ZBBX: variants seen among roughly 807,000 people sequenced by gnomAD.
The protein encoded by ZBBX is zinc finger B-box domain-containing protein 1.
In ZBBX, 101 loss-of-function variants were observed where a neutral mutation model predicts 108.5. The observed-to-expected ratio is 0.93, with a 90% confidence interval of 0.79 to 1.10. The LOEUF is 1.10. ZBBX is among the 50% of genes least tolerant of loss of function. The pLI is 0.00. For missense variants in ZBBX, 1,009 were observed against 941.4 expected (o/e 1.07, Z -0.94); for synonymous variants, 356 against 323.4 (o/e 1.10, Z -1.08).
Position 167,397,142 on chromosome 3 carries a change from T to TAAAAAAAAAAAAAAAAAAAAAAAAAAA in ZBBX, c.-446+10583_-446+10584insTTTTTTTTTTTTTTTTTTTTTTTTTTT, listed in dbSNP as rs61671930. On this transcript the variant is annotated intron_variant, in intron 1 of 21. Transcript: ENST00000455345. ...GTCGTGAAGAAGAGGTTCTTGGTGG[T>TAAAAAAAAAAAAAAAAAAAAAAAAAAA]AAAAAAAAAAAAAAAAAAAAAAAAT... 8.3e-4 allele frequency among the ~76,000 whole-genome samples: 60 copies of TAAAAAAAAAAAAAAAAAAAAAAAAAAA among 72,396 alleles called. 3 individuals are homozygous for TAAAAAAAAAAAAAAAAAAAAAAAAAAA. The highest frequency in any genetic ancestry group is 1.1e-3 in the South Asian group (2 of 1,848). The allele number at this position is 72,396 out of a possible 152,430, so 47.5% of individuals were successfully genotyped here. A position where few individuals can be genotyped will look rare whatever the true frequency, so the allele number is the denominator to read the frequency against.
chr3:167,396,972 C>T (rs1022731973), intron 1 of ZBBX, among the ~76,000 whole-genome samples: 2 of 151,520 alleles, frequency 1.3e-5, no homozygotes, highest in Admixed American at 1.3e-4. Context: ...TTGGAAAAGA[C>T]CAGGGAGTAA....
chr3:167,244,460 G>A (rs1236687072), intron 20 of ZBBX, among the ~76,000 whole-genome samples: 1 of 152,212 alleles, frequency 6.6e-6, no homozygotes, highest in Non-Finnish European at 1.5e-5. Flanking sequence ...TGAGCTAATT[G>A]AATGAGCATA....
At chr3:167,272,902 C>T (rs1253533807) in intron 20 of ZBBX, among the ~76,000 whole-genome samples, 2 of 152,256 alleles carry the variant, frequency 1.3e-5, no homozygotes, top group African/African-American at 2.4e-5. Flanking sequence ...ACCATATATT[C>T]GTTTTACTAA....
At chr3:167,331,284 C>A (rs1738587514) in intron 10 of ZBBX, among the ~76,000 whole-genome samples, 1 of 151,988 alleles carries the variant, frequency 6.6e-6, no homozygotes, top group Admixed American at 6.6e-5. Context: ...GCGCCTCCAA[C>A]AATAACATTT....
chr3:167,282,097 A>T (rs889934986), intron 20 of ZBBX, 141 bp downstream of exon 20: 6 of 921,480 alleles, frequency 6.5e-6, no homozygotes, highest in Non-Finnish European at 7.9e-6. Context: ...CCAGGAAAAC[A>T]GACACAACGG....
At chr3:167,247,394 T>C (rs1264774526) in intron 20 of ZBBX, among the ~76,000 whole-genome samples, 1 of 152,040 alleles carries the variant, frequency 6.6e-6, no homozygotes, top group Non-Finnish European at 1.5e-5. Context: ...GGGAAAACCA[T>C]CTCCCTTCTC....
At chr3:167,330,621 G>A (rs1738266880) in intron 10 of ZBBX, among the ~76,000 whole-genome samples, 1 of 151,822 alleles carries the variant, frequency 6.6e-6, no homozygotes, top group South Asian at 2.1e-4. Flanking sequence ...GTTGGACGTG[G>A]TGGTATGCAC....
chr3:167,384,544 T>A (rs1376106756), upstream of ZBBX, among the ~76,000 whole-genome samples: 1 of 151,830 alleles, frequency 6.6e-6, no homozygotes. Context: ...ATGACATAGC[T>A]CTAGTTACTT....
intron 9 of ZBBX, among the ~76,000 whole-genome samples, chr3:167,337,454 G>T (rs1739749435): frequency 6.6e-6 from 1 of 152,084 alleles, no homozygotes; most frequent in African/African-American, 2.4e-5. Flanking sequence ...GGGTGGCAGA[G>T]GTTGCAGTGA....
At chr3:167,385,517 C>G (rs747194575) in intron 1 of ZBBX, among the ~76,000 whole-genome samples, 1 of 151,858 alleles carries the variant, frequency 6.6e-6, no homozygotes, top group Non-Finnish European at 1.5e-5. Context: ...TATAAATTAG[C>G]CTTACCTTCC....
chr3:167,295,746 TATATATATATATAAAA>T (rs1203347708), intron 18 of ZBBX, among the ~76,000 whole-genome samples: 1,878 of 15,862 alleles, frequency 0.12, 244 homozygotes, highest in African/African-American at 0.29. Flanking sequence ...TATATATATA[TATATATATATATAAAA>T]AAAACTAGTA....
At chr3:167,287,333 G>T (rs909697165) in intron 19 of ZBBX, among the ~76,000 whole-genome samples, 2 of 151,846 alleles carry the variant, frequency 1.3e-5, no homozygotes, top group Non-Finnish European at 2.9e-5. Context: ...AGCATAACAC[G>T]GAGTTGTTGT....
intron 4 of ZBBX, chr3:167,368,900 TA>T: frequency 4.2e-6 from 1 of 235,576 alleles, no homozygotes; most frequent in Non-Finnish European, 7.1e-6. Context: ...GAAATAAAAA[TA>T]TTGTCCAATT....
At chr3:167,377,426 T>C (rs1053648934) in intron 2 of ZBBX, among the ~76,000 whole-genome samples, 1 of 152,186 alleles carries the variant, frequency 6.6e-6, no homozygotes, top group Non-Finnish European at 1.5e-5. Context: ...ACTCAGATCA[T>C]GCTAGGCACA....
intron 20 of ZBBX, among the ~76,000 whole-genome samples, chr3:167,270,079 T>C (rs1400279632): frequency 6.6e-6 from 1 of 152,218 alleles, no homozygotes; most frequent in Non-Finnish European, 1.5e-5. Flanking sequence ...GTTGATGATA[T>C]CCTCATATCA....
chr3:167,403,537 T>C (rs1187250936), intron 1 of ZBBX, among the ~76,000 whole-genome samples: 1 of 152,096 alleles, frequency 6.6e-6, no homozygotes, highest in Non-Finnish European at 1.5e-5. Flanking sequence ...TATGCAAGCA[T>C]TTTTTCTCCT....
chr3:167,245,101 A>G (rs1721321466), intron 20 of ZBBX, among the ~76,000 whole-genome samples: 1 of 152,216 alleles, frequency 6.6e-6, no homozygotes, highest in Non-Finnish European at 1.5e-5. Context: ...GAATAGCTAC[A>G]TATCTACATC....
At chr3:167,319,885 G>A (rs1200557651) in intron 12 of ZBBX, among the ~76,000 whole-genome samples, 1 of 151,954 alleles carries the variant, frequency 6.6e-6, no homozygotes, top group Non-Finnish European at 1.5e-5. Context: ...AGGGAGAATG[G>A]AAATGAATCA....
At chr3:167,217,183 A>G in the ZBBX span, among the ~76,000 whole-genome samples, 1 of 152,156 alleles carries the variant, frequency 6.6e-6, no homozygotes, top group Non-Finnish European at 1.5e-5. Context: ...GAGTAAACAG[A>G]CAACCTATGG....
Sources: gnomAD v4.1 joint callset for allele counts (sites outside exome capture counted in the v4.1 genomes callset) on GRCh38, gnomAD v4.1.1 for gene constraint, MANE v1.5 for transcripts, NCBI Gene and HGNC (gene_info 2026-07-23, HGNC 2026-07-21) for gene names.